Variants in LDLRAD3 observed in about 807,000 individuals in gnomAD.
LDLRAD3 encodes the protein low-density lipoprotein receptor class A domain-containing protein 3.
In LDLRAD3, 20 loss-of-function variants were observed where a neutral mutation model predicts 29.4. That is an observed-to-expected ratio of 0.68 (90% CI 0.48 to 0.99). The LOEUF (loss-of-function observed/expected upper bound fraction) is 0.99. LDLRAD3 is among the 50% of genes least tolerant of loss of function. The probability of loss-of-function intolerance (pLI) is 0.00; values close to 1 mark genes in which losing one functional copy is unlikely to be tolerated. For synonymous variants in LDLRAD3, 157 were observed against 192.7 expected (o/e 0.81, Z 1.53); for missense variants, 420 against 454.3 (o/e 0.92, Z 0.69).
intron 4 of LDLRAD3, among the ~76,000 whole-genome samples, chr11:36,224,057 CTA>C (rs1855465150): frequency 1.4e-5 from 2 of 147,964 alleles, no homozygotes; most frequent in African/African-American, 5.0e-5. Context: ...TATGTTATGT[CTA>C]TTTTATCATT....
At chr11:36,115,356 C>T (rs1853660328) in intron 4 of LDLRAD3, among the ~76,000 whole-genome samples, 1 of 152,194 alleles carries the variant, frequency 6.6e-6, no homozygotes, top group Non-Finnish European at 1.5e-5. Flanking sequence ...ATTGGAACCT[C>T]AGTCAATAAA....
At position 36,039,211 on chromosome 11, in the gene LDLRAD3, C is replaced by T. The variant is rs372987499; in HGVS notation, c.193+2962C>T. ...GTCTGGATCTCCTGACCTCGTGACC[C>T]GCCCGCCTCGGCCTCCCAAAGTGCT... On this transcript the variant is annotated intron_variant, in intron 2 of 5. Coordinates refer to ENST00000315571, the MANE Select transcript of LDLRAD3 (RefSeq NM_174902.4). 1.7e-4 allele frequency among the ~76,000 whole-genome samples: 26 copies of T among 152,162 alleles called. No individual in the cohort carries two copies. In the South Asian group the frequency reaches 5.4e-3, roughly 32 times the overall value.
intron 4 of LDLRAD3, among the ~76,000 whole-genome samples, chr11:36,172,303 C>T (rs949006713): frequency 6.6e-6 from 1 of 151,884 alleles, no homozygotes; most frequent in Non-Finnish European, 1.5e-5. Flanking sequence ...TCCTCTTTGA[C>T]AATTTGGATG....
In LDLRAD3 at chr11:35,944,402, C is replaced by G. The variant is rs939665191; in HGVS notation, c.46+258C>G. ...GCGCGGGCGGGGCTCTGTGTGCAGTCCGGGTCTGGGGAGCCCGGCGGCTGC... is the reference window on the plus strand; with the variant it reads ...GCGCGGGCGGGGCTCTGTGTGCAGTGCGGGTCTGGGGAGCCCGGCGGCTGC... On this transcript the variant is annotated intron_variant, in intron 1 of 5. Transcript: ENST00000315571. The surrounding 1 kb of genome is among the most constrained non-coding windows in gnomAD (Gnocchi z 4.9). Among the ~76,000 whole-genome samples, 3 of 152,076 alleles carry G rather than the reference C, an allele frequency of 2.0e-5. No homozygotes were observed. The highest frequency in any genetic ancestry group is 2.9e-5 in the Non-Finnish European group (2 of 67,984).
chr11:36,140,992 T>TTCTTTCTTTCTCTC (rs1279929124), intron 4 of LDLRAD3, among the ~76,000 whole-genome samples: 1 of 109,996 alleles, frequency 9.1e-6, no homozygotes, highest in African/African-American at 3.2e-5. Context: ...CTGTTGAGCT[T>TTCTTTCTTTCTCTC]TCTCTCTCTC....
At chr11:35,997,830 C>A (rs540830243) in intron 1 of LDLRAD3, among the ~76,000 whole-genome samples, 1 of 152,288 alleles carries the variant, frequency 6.6e-6, no homozygotes, top group South Asian at 2.1e-4. Context: ...ATTATGAATT[C>A]AAGGGTCACA....
At chr11:36,140,863 C>T (rs1365399332) in intron 4 of LDLRAD3, among the ~76,000 whole-genome samples, 1 of 152,118 alleles carries the variant, frequency 6.6e-6, no homozygotes, top group African/African-American at 2.4e-5. Context: ...GAGGGGTGAG[C>T]AGGCAATGCA....
chr11:35,980,991 C>G (rs1851533972), intron 1 of LDLRAD3, among the ~76,000 whole-genome samples: 1 of 152,128 alleles, frequency 6.6e-6, no homozygotes, highest in African/African-American at 2.4e-5. Context: ...ACTGCTGACC[C>G]CAGGGGAGGC....
chr11:36,005,221 C>G (rs1851869733), intron 1 of LDLRAD3, among the ~76,000 whole-genome samples: 1 of 152,200 alleles, frequency 6.6e-6, no homozygotes, highest in Non-Finnish European at 1.5e-5. Flanking sequence ...AATATAAGTT[C>G]CAATTTCAGA....
chr11:36,029,962 T>A (rs183886736), intron 1 of LDLRAD3, among the ~76,000 whole-genome samples: 2 of 152,340 alleles, frequency 1.3e-5, no homozygotes, highest in East Asian at 3.9e-4. Flanking sequence ...AGTGTAAATA[T>A]GAAATCTGTG....
At chr11:36,122,267 A>G (rs1010296478) in intron 4 of LDLRAD3, among the ~76,000 whole-genome samples, 1 of 152,136 alleles carries the variant, frequency 6.6e-6, no homozygotes, top group Non-Finnish European at 1.5e-5. Flanking sequence ...AAGGATGGGC[A>G]TGAACAATTT....
chr11:36,035,494 G>T (rs978071911), intron 1 of LDLRAD3, among the ~76,000 whole-genome samples: 2 of 152,148 alleles, frequency 1.3e-5, no homozygotes, highest in African/African-American at 4.8e-5. Flanking sequence ...CTCTTGAAAG[G>T]CAATTCCATG....
At chr11:36,144,274 C>T (rs1389491648) in intron 4 of LDLRAD3, among the ~76,000 whole-genome samples, 4 of 151,518 alleles carry the variant, frequency 2.6e-5, no homozygotes, top group South Asian at 2.1e-4. Flanking sequence ...GATCTCGGCT[C>T]GCTACAACCT....
At chr11:35,957,854 TG>T (rs1433011532) in intron 1 of LDLRAD3, among the ~76,000 whole-genome samples, 4 of 148,942 alleles carry the variant, frequency 2.7e-5, no homozygotes, top group Non-Finnish European at 5.9e-5. Flanking sequence ...TACACATCTG[TG>T]TTATTTTAAG....
chr11:36,224,500 A>G (rs60544801), intron 4 of LDLRAD3, among the ~76,000 whole-genome samples: 9,883 of 152,314 alleles, frequency 0.065, 432 homozygotes, highest in East Asian at 0.2. Context: ...AAACTCCAGT[A>G]GAATCCTTGA....
In LDLRAD3 at chr11:36,032,267, G is replaced by A. The variant is rs139812373; in HGVS notation, c.47-3836G>A. 1.3e-4 allele frequency among the ~76,000 whole-genome samples: 20 copies of A among 152,294 alleles called. No individual in the cohort carries two copies. In the South Asian group the frequency reaches 2.9e-3, roughly 22 times the overall value. ...ATGAAAGGTAGGTGGAAGAATGTCC[G>A]GGGTCAGCAAACAGCACATCTGGAG... On this transcript the variant is annotated intron_variant, in intron 1 of 5. Coordinates refer to ENST00000315571, the MANE Select transcript of LDLRAD3 (RefSeq NM_174902.4).
Position 36,098,465 on chromosome 11 carries a change from G to C in LDLRAD3, c.454+4G>C, listed in dbSNP as rs1346820642. On this transcript the variant is annotated splice_donor_region_variant and intron_variant, in intron 4 of 5. Transcript: ENST00000315571. The stretch of plus-strand genomic sequence containing the variant: ...GAAAGCTGTGAAAGTTCTCAAGGTA[G>C]GAACCTCTCAAGCTCTAAAAAGATA... The C allele has an allele frequency of 6.2e-7, 1 of 1,614,042 alleles. No individual in the cohort carries two copies. Among genetic ancestry groups the C allele is most frequent in the African/African-American group, 1.3e-5 (1 of 74,940 alleles).
chr11:36,195,649 C>T (rs1265535587), intron 4 of LDLRAD3, among the ~76,000 whole-genome samples: 1 of 152,302 alleles, frequency 6.6e-6, no homozygotes, highest in South Asian at 2.1e-4. Flanking sequence ...AACAGCCCTT[C>T]GATGCATCAG....
chr11:36,033,397 A>G (rs1196357119), intron 1 of LDLRAD3, among the ~76,000 whole-genome samples: 4 of 152,054 alleles, frequency 2.6e-5, no homozygotes, highest in Non-Finnish European at 5.9e-5. Context: ...GCATCCACCC[A>G]TCCATTTGTC....
Sources: allele counts gnomAD v4.1 joint callset (sites outside exome capture counted in the v4.1 genomes callset), GRCh38; gene constraint gnomAD v4.1.1; non-coding constraint Gnocchi (gnomAD v3.1); transcripts MANE v1.5; gene names NCBI Gene and HGNC (gene_info 2026-07-23, HGNC 2026-07-21).